Variants in CDH4 observed in about 807,000 individuals in gnomAD.
The protein encoded by CDH4 is cadherin-4.
In CDH4, 33 loss-of-function variants were observed where a neutral mutation model predicts 86.0. The ratio of observed to expected loss-of-function variants is 0.38; its 90% CI spans 0.29 to 0.51. The LOEUF (loss-of-function observed/expected upper bound fraction) is 0.51, where lower values mean the gene tolerates loss of function less well. Ranked by LOEUF, CDH4 falls within the 20% of genes least tolerant of loss-of-function variation. CDH4 has a pLI of 0.86. For synonymous variants in CDH4, 555 were observed against 549.4 expected (o/e 1.01, Z -0.14); for missense variants, 1,114 against 1,307.4 (o/e 0.85, Z 2.28).
chr20:61,705,142 C>A (rs59885963), intron 2 of CDH4, among the ~76,000 whole-genome samples: 2,132 of 152,346 alleles, frequency 0.014, 55 homozygotes, highest in African/African-American at 0.048. Flanking sequence ...CTAGACCTAG[C>A]AGACTTCCTG....
intron 2 of CDH4, among the ~76,000 whole-genome samples, chr20:61,274,756 G>T (rs1330746881): frequency 2.7e-5 from 4 of 146,726 alleles, no homozygotes; most frequent in Middle Eastern, 4.0e-3. Flanking sequence ...TGTGCAGTTT[G>T]GGGCAGTACT....
chr20:61,759,245 G>A (rs2088603439), intron 3 of CDH4, among the ~76,000 whole-genome samples: 1 of 152,192 alleles, frequency 6.6e-6, no homozygotes. Context: ...CAAGGCCATG[G>A]CTCTCATTTA....
chr20:61,535,181 T>A (rs536139787), intron 2 of CDH4, among the ~76,000 whole-genome samples: 2 of 152,328 alleles, frequency 1.3e-5, no homozygotes, highest in South Asian at 4.1e-4. Flanking sequence ...CATGACTGAT[T>A]CCTATTTCAC....
chr20:61,528,472 A>AGAGGGGGGGGGG (rs2085928973), intron 2 of CDH4, among the ~76,000 whole-genome samples: 4 of 34,352 alleles, frequency 1.2e-4, no homozygotes, highest in African/African-American at 4.0e-4. Flanking sequence ...AGGGAGGGGG[A>AGAGGGGGGGGGG]GGGGGAGAAA....
chr20:61,576,795 C>T (rs529950800), intron 2 of CDH4, among the ~76,000 whole-genome samples: 5 of 152,290 alleles, frequency 3.3e-5, no homozygotes, highest in South Asian at 2.1e-4. Flanking sequence ...TGTATGAGTG[C>T]GTGGATTTCT....
At chr20:61,650,772 T>C (rs2087112214) in intron 2 of CDH4, among the ~76,000 whole-genome samples, 1 of 152,250 alleles carries the variant, frequency 6.6e-6, no homozygotes, top group South Asian at 2.1e-4. Context: ...AATTCAGAAA[T>C]AAGTAGTATT....
chr20:61,465,803 C>T (rs922970364), intron 2 of CDH4, among the ~76,000 whole-genome samples: 2 of 151,592 alleles, frequency 1.3e-5, no homozygotes, highest in African/African-American at 4.8e-5. Flanking sequence ...AATCATAAAC[C>T]AGAAGAATCG....
intron 2 of CDH4, among the ~76,000 whole-genome samples, chr20:61,405,290 T>C (rs183648996): frequency 6.6e-6 from 1 of 151,760 alleles, no homozygotes; most frequent in East Asian, 1.9e-4. Context: ...CCCCCTCCTG[T>C]GAACTAGTGT....
chr20:61,588,128 G>A (rs150370972), intron 2 of CDH4, among the ~76,000 whole-genome samples: 2,593 of 152,286 alleles, frequency 0.017, 78 homozygotes, highest in African/African-American at 0.05. Context: ...TTAGCCAAGC[G>A]CTTAGCCTGC....
intron 14 of CDH4, 84 bp from the exon 15 acceptor site, chr20:61,933,972 C>G (rs2055146153): frequency 4.0e-6 from 6 of 1,497,044 alleles, no homozygotes; most frequent in Non-Finnish European, 5.5e-6. Flanking sequence ...ATCTGTGGCC[C>G]AGGTGACAGA....
intron 2 of CDH4, among the ~76,000 whole-genome samples, chr20:61,558,460 AG>A (rs1374038085): frequency 6.6e-6 from 1 of 152,140 alleles, no homozygotes; most frequent in Non-Finnish European, 1.5e-5. Context: ...TCTAATGCAA[AG>A]GGGATAGAAG....
At chr20:61,888,926 A>T (rs576566748) in intron 7 of CDH4, among the ~76,000 whole-genome samples, 1 of 152,318 alleles carries the variant, frequency 6.6e-6, no homozygotes, top group African/African-American at 2.4e-5. Context: ...TATGAGCTCC[A>T]CTGACCACGC....
In CDH4 at chr20:61,821,653, C is replaced by A. The variant is rs146707318; in HGVS notation, c.577-23015C>A. Among the ~76,000 whole-genome samples the A allele has an allele frequency of 3.3e-5, 5 of 152,336 alleles. No homozygotes were observed. The East Asian group carries it at 9.6e-4, about 29-fold the overall frequency. On this transcript the variant is annotated intron_variant, in intron 4 of 15. Coordinates refer to ENST00000614565, the MANE Select transcript of CDH4 (RefSeq NM_001794.5). ...TGTCACCTCAGCCAAAACTGCTTCC[C>A]CGGGTTTTGGGCTTACACCTGTGCT...
At chr20:61,826,231 C>T (rs1236165818) in intron 4 of CDH4, among the ~76,000 whole-genome samples, 1 of 152,178 alleles carries the variant, frequency 6.6e-6, no homozygotes, top group Admixed American at 6.5e-5. Context: ...TGGGCATAAC[C>T]TACTCCCATT....
intron 2 of CDH4, among the ~76,000 whole-genome samples, chr20:61,656,249 G>GCTGGGGTGGGCAGGCGCA (rs2087186622): frequency 1.1e-4 from 16 of 139,448 alleles, no homozygotes; most frequent in Admixed American, 1.1e-3. Flanking sequence ...GGGCAGGCGC[G>GCTGGGGTGGGCAGGCGCA]TGCTGGGGTG....
At position 61,903,970 on chromosome 20, in the gene CDH4, G is replaced by C. The variant is rs576584428; in HGVS notation, c.1189-6452G>C. On this transcript the variant is annotated intron_variant, in intron 8 of 15. Coordinates refer to ENST00000614565, the MANE Select transcript of CDH4 (RefSeq NM_001794.5). ...AAGCTTCTCCTCTCTGCTGCTGCCC[G>C]CTGCCAGCTGTTTTGCGTTTCTGCT... is the stretch of plus-strand genomic sequence containing the variant. 9.2e-5 allele frequency among the ~76,000 whole-genome samples: 14 copies of C among 152,294 alleles called. No individual in the cohort carries two copies. The South Asian group carries it at 2.9e-3, about 32-fold the overall frequency.
At chr20:61,366,610 C>T (rs916874528) in intron 2 of CDH4, among the ~76,000 whole-genome samples, 3 of 152,130 alleles carry the variant, frequency 2.0e-5, no homozygotes, top group African/African-American at 7.2e-5. Context: ...AGGGATTGGC[C>T]GAATTAAAGG....
At chr20:61,313,768 G>T (rs56374158) in intron 2 of CDH4, among the ~76,000 whole-genome samples, 1 of 152,024 alleles carries the variant, frequency 6.6e-6, no homozygotes, top group East Asian at 1.9e-4. Context: ...ACATGGTCTC[G>T]CTCTGTCACC....
At chr20:61,813,307 T>G (rs1278890573) in intron 4 of CDH4, among the ~76,000 whole-genome samples, 1 of 152,156 alleles carries the variant, frequency 6.6e-6, no homozygotes, top group Admixed American at 6.5e-5. Flanking sequence ...ACGTGTGTCC[T>G]CACTCCCTTG....
Sources: gnomAD v4.1 joint callset for allele counts (sites outside exome capture counted in the v4.1 genomes callset) on GRCh38, gnomAD v4.1.1 for gene constraint, MANE v1.5 for transcripts, NCBI Gene and HGNC (gene_info 2026-07-23, HGNC 2026-07-21) for gene names.